The following MAD1L1 variants were observed in gnomAD, a reference collection of about 807,000 sequenced individuals.
MAD1L1 encodes the protein mitotic spindle assembly checkpoint protein MAD1.
Under a neutral mutation model 96.9 loss-of-function variants are expected in MAD1L1, and 95 were observed. The observed-to-expected ratio is 0.98, with a 90% CI of 0.83 to 1.16. MAD1L1 has a LOEUF of 1.16. MAD1L1 is among the 50% of genes most tolerant of loss of function. The pLI is 0.00. For synonymous variants in MAD1L1, 473 were observed against 396.6 expected (o/e 1.19, Z -2.29); for missense variants, 1,007 against 954.4 (o/e 1.06, Z -0.73).
intron 11 of MAD1L1, among the ~76,000 whole-genome samples, chr7:2,133,471 T>A (rs545835154): frequency 2.6e-5 from 4 of 152,388 alleles, no homozygotes; most frequent in African/African-American, 9.6e-5. Flanking sequence ...GTCTTTTGCA[T>A]GACGGTGAAA....
intron 15 of MAD1L1, among the ~76,000 whole-genome samples, chr7:1,970,104 A>G (rs1195644504): frequency 6.6e-6 from 1 of 152,184 alleles, no homozygotes; most frequent in Non-Finnish European, 1.5e-5. Flanking sequence ...CCAGTCTCAA[A>G]AGACTGCATG....
At chr7:1,897,800 C>T (rs1171284390) in intron 18 of MAD1L1, among the ~76,000 whole-genome samples, 2 of 152,232 alleles carry the variant, frequency 1.3e-5, no homozygotes, top group Non-Finnish European at 2.9e-5. Flanking sequence ...CACTGCGCAG[C>T]CTGGCATCTT....
At chr7:2,077,020 G>T (rs1055690492) in intron 11 of MAD1L1, among the ~76,000 whole-genome samples, 2 of 149,778 alleles carry the variant, frequency 1.3e-5, no homozygotes, top group Non-Finnish European at 3.0e-5. Context: ...TCACGGCACG[G>T]TGAGCCCGAG....
At chr7:1,821,045 C>T (rs111966590) in intron 18 of MAD1L1, among the ~76,000 whole-genome samples, 13 of 135,950 alleles carry the variant, frequency 9.6e-5, no homozygotes, top group African/African-American at 2.8e-4. Context: ...CGTGCCACTG[C>T]ACTCCAGCCT....
Position 2,216,267 on chromosome 7 carries a change from G to T in MAD1L1, c.699C>A (p.Ser233=). 6.2e-7 allele frequency: 1 copy of T among 1,614,016 alleles called. No homozygotes were observed. The highest frequency in any genetic ancestry group is 8.5e-7 in the Non-Finnish European group (1 of 1,180,032). Residue 233 remains serine (S), a synonymous_variant, in exon 8 of 19, where the codon TCC becomes TCA. Transcript: ENST00000265854. ...QQIKDLEQKL[S]LQEQDAAIVK... ...CAATCGCTGCATCCTGCTCTTGCAGGGACAGCTTCTGCTCCAGATCCTGAT... is the reference window on the plus strand; with the variant it reads ...CAATCGCTGCATCCTGCTCTTGCAGTGACAGCTTCTGCTCCAGATCCTGAT...
chr7:1,856,935 T>A lies in MAD1L1; in HGVS notation c.1999-40707A>T, dbSNP rs4073079. On this transcript the variant is annotated intron_variant, in intron 18 of 18. Transcript: ENST00000265854. ...CCTTCAGACCGAGCTGACCATGAGC[T>A]GCCACACAGCAGCTCATCCTGTTTC... is the stretch of plus-strand genomic sequence containing the variant. Among the ~76,000 whole-genome samples, 13 of 152,168 alleles carry A rather than the reference T, an allele frequency of 8.5e-5. No individual in the cohort carries two copies. In the East Asian group the frequency reaches 2.3e-3, roughly 27 times the overall value.
chr7:2,072,184 T>C (rs1386727922), intron 11 of MAD1L1, among the ~76,000 whole-genome samples: 1 of 152,138 alleles, frequency 6.6e-6, no homozygotes, highest in Non-Finnish European at 1.5e-5. Context: ...CACCTCCAGG[T>C]AGACAGTGTC....
chr7:2,126,347 A>G (rs777576171), intron 11 of MAD1L1, among the ~76,000 whole-genome samples: 46 of 152,178 alleles, frequency 3.0e-4, no homozygotes, highest in Admixed American at 9.2e-4. Context: ...TCCATTTTCA[A>G]TAAACACACA....
chr7:1,874,592 C>T (rs1270483307), intron 18 of MAD1L1: 2 of 447,518 alleles, frequency 4.5e-6, no homozygotes, highest in Non-Finnish European at 8.9e-6. Flanking sequence ...CACCTATCAG[C>T]ATTACCCAGA....
At chr7:2,194,762 A>G (rs1791900035) in intron 10 of MAD1L1, among the ~76,000 whole-genome samples, 2 of 152,200 alleles carry the variant, frequency 1.3e-5, no homozygotes, top group African/African-American at 4.8e-5. Context: ...AAACAAGAGA[A>G]AGTACCTTTT....
At chr7:2,030,002 G>A (rs945524435) in intron 12 of MAD1L1, among the ~76,000 whole-genome samples, 4 of 152,210 alleles carry the variant, frequency 2.6e-5, no homozygotes, top group African/African-American at 9.6e-5. Flanking sequence ...AAGGGCAGAT[G>A]CTGGCTGTCC....
In MAD1L1 at chr7:2,216,059, C is replaced by T. The variant is rs549083777; in HGVS notation, c.810-60G>A. 2.0e-5 allele frequency: 32 copies of T among 1,610,708 alleles called. No individual in the cohort carries two copies. In the Admixed American group the frequency reaches 3.7e-4, roughly 18 times the overall value. ...CACACCCTAGGGATAAGGCCAAGAGCCCGGGAGCCCTGCCCCTACAGGGTC... is the reference window on the plus strand; with the variant it reads ...CACACCCTAGGGATAAGGCCAAGAGTCCGGGAGCCCTGCCCCTACAGGGTC... On this transcript the variant is annotated intron_variant, in intron 8 of 18. Coordinates refer to ENST00000265854, the MANE Select transcript of MAD1L1 (RefSeq NM_001013836.2).
At chr7:2,052,413 G>A (rs572049560) in intron 12 of MAD1L1, among the ~76,000 whole-genome samples, 62 of 150,180 alleles carry the variant, frequency 4.1e-4, no homozygotes, top group African/African-American at 1.4e-3. Flanking sequence ...GGAGGGCGCC[G>A]GACAGCTCAC....
At chr7:2,085,557 C>T (rs1269851932) in intron 11 of MAD1L1, among the ~76,000 whole-genome samples, 2 of 152,224 alleles carry the variant, frequency 1.3e-5, no homozygotes, top group Admixed American at 1.3e-4. Flanking sequence ...ATTCTGGGCA[C>T]TTCATATTAA....
intron 18 of MAD1L1, among the ~76,000 whole-genome samples, chr7:1,840,919 C>T (rs958799904): frequency 3.3e-5 from 5 of 152,264 alleles, no homozygotes; most frequent in Non-Finnish European, 1.5e-5. Context: ...GGCGAGAGGC[C>T]ACGCAGGCCA....
intron 18 of MAD1L1, among the ~76,000 whole-genome samples, chr7:1,833,047 CT>C (rs1480406504): frequency 2.2e-4 from 34 of 152,208 alleles, no homozygotes; most frequent in African/African-American, 8.2e-4. Flanking sequence ...GAGATTACAA[CT>C]GGCTAAAGGT....
rs761415800 is a variant in MAD1L1 at position 2,103,288 on chromosome 7, G to A, written c.1074-33950C>T. ...TCGCAGCCCAAGCCATGGCTGCCCC[G>A]ACGGGCCCTGCACACACAGTCATAC... On this transcript the variant is annotated intron_variant, in intron 11 of 18. Coordinates refer to ENST00000265854, the MANE Select transcript of MAD1L1 (RefSeq NM_001013836.2). This position sits in a 1 kb window ranked among gnomAD's most constrained non-coding sequence, Gnocchi z 4.3. 2.0e-5 allele frequency among the ~76,000 whole-genome samples: 3 copies of A among 152,144 alleles called. No individual in the cohort carries two copies. The highest frequency in any genetic ancestry group is 4.4e-5 in the Non-Finnish European group (3 of 68,016).
intron 10 of MAD1L1, among the ~76,000 whole-genome samples, chr7:2,204,832 C>A (rs1207983140): frequency 6.6e-6 from 1 of 152,226 alleles, no homozygotes; most frequent in Non-Finnish European, 1.5e-5. Context: ...CAGGGTCACA[C>A]CGTAAGTGTG....
chr7:1,875,362 C>A lies in MAD1L1; in HGVS notation c.1998+22838G>T, dbSNP rs537491997. On this transcript the variant is annotated intron_variant, in intron 18 of 18. Transcript: ENST00000265854. ...CAAGAAGAAAACATCCCCCAACTGG[C>A]TGACAGTCGCCCTCCTCGACCCCAG... Among the ~76,000 whole-genome samples the A allele has an allele frequency of 2.4e-3, 358 of 152,332 alleles. 1 individual carries two copies. Among genetic ancestry groups the A allele is most frequent in the African/African-American group, 8.3e-3 (344 of 41,562 alleles).
Sources: gnomAD v4.1 joint callset for allele counts (sites outside exome capture counted in the v4.1 genomes callset) on GRCh38, gnomAD v4.1.1 for gene constraint, Gnocchi (gnomAD v3.1) non-coding constraint, MANE v1.5 for transcripts, NCBI Gene and HGNC (gene_info 2026-07-23, HGNC 2026-07-21) for gene names.